ZNF875: variants seen among roughly 807,000 people sequenced by gnomAD.
The protein encoded by ZNF875 is HKR1, GLI-Kruppel zinc finger family member.
ZNF875 carries 14 observed loss-of-function variants against 11.2 expected under a neutral mutation model. That is an observed-to-expected ratio of 1.26 (90% confidence interval 0.83 to 1.96). ZNF875 has a LOEUF of 1.96. Among genes scored for constraint, ZNF875 ranks in the 30% most tolerant of loss-of-function variants. The probability of loss-of-function intolerance (pLI) is 0.00; values close to 1 mark genes in which losing one functional copy is unlikely to be tolerated. For synonymous variants in ZNF875, 301 were observed against 281.1 expected (o/e 1.07, Z -0.71); for missense variants, 752 against 760.4 (o/e 0.99, Z 0.13).
At chr19:37,330,408 C>T (rs1417221865), upstream of ZNF875, among the ~76,000 whole-genome samples, 7 of 152,160 alleles carry the variant, frequency 4.6e-5, no homozygotes, top group South Asian at 2.1e-4. Context: ...TGCCTGTCAC[C>T]TTTTACACCT....
intron 4 of ZNF875, among the ~76,000 whole-genome samples, chr19:37,327,699 G>C (rs1346986038): frequency 6.7e-6 from 1 of 149,426 alleles, no homozygotes; most frequent in South Asian, 2.1e-4. Context: ...CGGAGGCAGA[G>C]GTTGCAGTGA....
chr19:37,326,524 C>G (rs2032466294), intron 4 of ZNF875, among the ~76,000 whole-genome samples: 2 of 152,062 alleles, frequency 1.3e-5, no homozygotes, highest in Admixed American at 1.3e-4. Flanking sequence ...ATGTGACGTG[C>G]CTTTTTGTCT....
At chr19:37,321,673 AT>A (rs1479253850) in intron 1 of ZNF875, among the ~76,000 whole-genome samples, 1 of 152,116 alleles carries the variant, frequency 6.6e-6, no homozygotes, top group East Asian at 1.9e-4. Flanking sequence ...GGGGCAGGCC[AT>A]CCCTTTCACC....
At chr19:37,318,988 A>C (rs1224955089) in intron 1 of ZNF875, among the ~76,000 whole-genome samples, 1 of 151,972 alleles carries the variant, frequency 6.6e-6, no homozygotes, top group African/African-American at 2.4e-5. Context: ...ACTTTTGTGA[A>C]AGAAACAACC....
At chr19:37,331,693 G>A (rs990940744), upstream of ZNF875, among the ~76,000 whole-genome samples, 2 of 148,286 alleles carry the variant, frequency 1.3e-5, no homozygotes, top group African/African-American at 4.9e-5. Context: ...GCAGAAGGCC[G>A]CAGGGACCTC....
chr19:37,325,210 G>T (rs1386279324), intron 4 of ZNF875, among the ~76,000 whole-genome samples: 2 of 152,124 alleles, frequency 1.3e-5, no homozygotes, highest in East Asian at 1.9e-4. Flanking sequence ...CTACTCTCCT[G>T]CTGTGCATAG....
intron 2 of ZNF875, among the ~76,000 whole-genome samples, chr19:37,336,501 G>A (rs1317316620): frequency 2.0e-5 from 3 of 149,444 alleles, no homozygotes; most frequent in Non-Finnish European, 4.5e-5. Flanking sequence ...GGGTTTCACC[G>A]TGTCAGCCAG....
intron 1 of ZNF875, among the ~76,000 whole-genome samples, chr19:37,320,492 T>C (rs1419016258): frequency 1.3e-5 from 2 of 152,236 alleles, no homozygotes; most frequent in African/African-American, 2.4e-5. Context: ...ACAGACACTA[T>C]TACTATGTCA....
At chr19:37,329,105 A>G (rs1439663594) in intron 4 of ZNF875, 3 of 152,172 alleles carry the variant, frequency 2.0e-5, no homozygotes, top group Non-Finnish European at 4.4e-5. Context: ...GCTGTATTAG[A>G]TGGTGTTGAG....
intron 2 of ZNF875, among the ~76,000 whole-genome samples, chr19:37,338,084 C>G (rs1374143030): frequency 6.6e-6 from 1 of 152,116 alleles, no homozygotes; most frequent in Non-Finnish European, 1.5e-5. Context: ...AAATCCAATT[C>G]AGGACATTTC....
chr19:37,339,548 T>TC (rs201677997), intron 2 of ZNF875, among the ~76,000 whole-genome samples: 1 of 147,042 alleles, frequency 6.8e-6, no homozygotes, highest in African/African-American at 2.5e-5. Flanking sequence ...CTGCCAGTTT[T>TC]TTTTTTTTTT....
rs2040057395 is a variant in ZNF875, at chr19:37,362,224, G to A, written c.372G>A (p.Trp124Ter). The A allele has an allele frequency of 1.2e-6, 2 of 1,614,092 alleles. No individual in the cohort carries two copies. The highest frequency in any genetic ancestry group is 1.3e-5 in the African/African-American group (1 of 75,024). Residue 124 changes from tryptophan (W) to a stop codon, truncating the protein, a stop_gained, in exon 5 of 5, where the codon TGG becomes TGA. Coordinates refer to ENST00000392153, the MANE Select transcript of ZNF875 (RefSeq NM_001353803.2). LOFTEE classifies it low-confidence loss of function (END_TRUNC). ...SHLSQLFSSL[W>*]AGNPLHLGKH... ...TCTCTCAGCTGTTTTCAAGTTTATG[G>A]GCAGGAAATCCTCTCCACCTGGGAA... is the stretch of plus-strand genomic sequence containing the variant.
At chr19:37,353,509 T>G (rs2146445954) in intron 4 of ZNF875, among the ~76,000 whole-genome samples, 1 of 152,352 alleles carries the variant, frequency 6.6e-6, no homozygotes, top group South Asian at 2.1e-4. Context: ...GTCACATTTC[T>G]TATGCTCTTC....
At chr19:37,327,881 T>G (rs2032761916) in intron 4 of ZNF875, among the ~76,000 whole-genome samples, 1 of 152,144 alleles carries the variant, frequency 6.6e-6, no homozygotes, top group African/African-American at 2.4e-5. Context: ...ATGGGTGTAG[T>G]GATTGTGTTC....
chr19:37,340,351 C>T (rs1446001986), intron 2 of ZNF875, among the ~76,000 whole-genome samples: 1 of 152,116 alleles, frequency 6.6e-6, no homozygotes, highest in Non-Finnish European at 1.5e-5. Context: ...CCGGGGTAGA[C>T]CTGCCAACTT....
chr19:37,354,289 G>C (rs1321099290), intron 4 of ZNF875, among the ~76,000 whole-genome samples: 2 of 96,290 alleles, frequency 2.1e-5, no homozygotes, highest in Non-Finnish European at 3.7e-5. Context: ...CCCTCCTCTT[G>C]TTTCTGTGGG....
rs767034321 is a variant in ZNF875, at chr19:37,347,214, G to T, written c.58G>T (p.Ala20Ser). Residue 20 changes from alanine to serine, a missense_variant, in exon 3 of 5, where the codon GCT becomes TCT. Coordinates refer to ENST00000392153, the MANE Select transcript of ZNF875 (RefSeq NM_001353803.2). ...KEAFVAFRDV[A>S]VYFTQEEWRL... The stretch of plus-strand genomic sequence containing the variant: ...GGCGTTCGTGGCATTCAGGGATGTG[G>T]CTGTGTACTTCACCCAGGAGGAGTG... 6.2e-7 allele frequency: 1 copy of T among 1,614,098 alleles called. No individual in the cohort carries two copies. The highest frequency in any genetic ancestry group is 2.2e-5 in the East Asian group (1 of 44,874).
Position 37,362,976 on chromosome 19 carries a change from T to C in ZNF875, c.1124T>C (p.Phe375Ser). The change falls in exon 5 of 5, where the codon TTT becomes TCT. Residue 375 changes from phenylalanine (F) to serine (S), a missense_variant. Transcript: ENST00000392153. ...GTTTGCAGGGAATGTGGGCGTGGCT[T>C]TCGCCAGCATTCACACCTGGTCAGA... is the stretch of plus-strand genomic sequence containing the variant. The part of the protein sequence containing the change: ...PYVCRECGRG[F>S]RQHSHLVRHK... 1 of 1,614,026 alleles carries C rather than the reference T, an allele frequency of 6.2e-7. No individual in the cohort carries two copies. The highest frequency in any genetic ancestry group is 8.5e-7 in the Non-Finnish European group (1 of 1,180,016).
intron 4 of ZNF875, chr19:37,324,411 C>T (rs1333405952): frequency 6.6e-6 from 1 of 152,114 alleles, no homozygotes; most frequent in South Asian, 2.1e-4. Flanking sequence ...CCAACCATAC[C>T]CCAAGAGTTG....
Sources: gnomAD v4.1 joint callset for allele counts (sites outside exome capture counted in the v4.1 genomes callset) on GRCh38, gnomAD v4.1.1 for gene constraint, MANE v1.5 for transcripts, NCBI Gene and HGNC (gene_info 2026-07-23, HGNC 2026-07-21) for gene names.